PCDH9: variants seen among roughly 807,000 people sequenced by gnomAD.
PCDH9 encodes the protein protocadherin-9.
PCDH9 carries 24 observed loss-of-function variants against 70.6 expected under a neutral mutation model. The ratio of observed to expected loss-of-function variants is 0.34; its 90% CI spans 0.25 to 0.48. The LOEUF (loss-of-function observed/expected upper bound fraction) is 0.48. Among genes scored for constraint, PCDH9 ranks in the 20% least tolerant of loss-of-function variants. PCDH9 has a pLI of 0.99. For synonymous variants in PCDH9, 562 were observed against 558.5 expected (o/e 1.01, Z -0.09); for missense variants, 1,281 against 1,503.6 (o/e 0.85, Z 2.45).
At chr13:66,568,526 A>AG (rs61302524) in intron 4 of PCDH9, among the ~76,000 whole-genome samples, 2 of 150,156 alleles carry the variant, frequency 1.3e-5, no homozygotes, top group South Asian at 2.1e-4. Flanking sequence ...AAAAAAAAAA[A>AG]GAAAGAAAGA....
chr13:66,359,473 T>A lies in PCDH9; in HGVS notation c.3341-54445A>T, dbSNP rs79458041. On this transcript the variant is annotated intron_variant, in intron 4 of 4. Transcript: ENST00000377865. ...ACTCATAATAGTGGAAAGTATAGCATAAAGGGGAAAAAAATTCAGAATGTT... is the reference window on the plus strand; with the variant it reads ...ACTCATAATAGTGGAAAGTATAGCAAAAAGGGGAAAAAAATTCAGAATGTT... Among the ~76,000 whole-genome samples, 35 of 151,872 alleles carry A rather than the reference T, an allele frequency of 2.3e-4. No homozygotes were observed. The East Asian group carries it at 4.8e-3, about 21-fold the overall frequency.
chr13:66,806,655 A>T (rs2080415094), intron 3 of PCDH9, among the ~76,000 whole-genome samples: 1 of 152,150 alleles, frequency 6.6e-6, no homozygotes. Context: ...TGCTGTGTAC[A>T]AATTCTTGCT....
At chr13:66,506,659 T>G (rs1378400137) in intron 4 of PCDH9, among the ~76,000 whole-genome samples, 1 of 152,212 alleles carries the variant, frequency 6.6e-6, no homozygotes, top group African/African-American at 2.4e-5. Context: ...TTTTCAATCC[T>G]GATTATGGCA....
chr13:66,752,248 T>C (rs1566170519), intron 3 of PCDH9, among the ~76,000 whole-genome samples: 1 of 152,248 alleles, frequency 6.6e-6, no homozygotes, highest in African/African-American at 2.4e-5. Context: ...GTATATGTCA[T>C]GTCTTCAAAT....
rs916569389 is a variant in PCDH9 at position 67,070,905 on chromosome 13, A to T, written c.3036+154500T>A. On this transcript the variant is annotated intron_variant, in intron 2 of 4. Coordinates refer to ENST00000377865, the MANE Select transcript of PCDH9 (RefSeq NM_203487.3). Reference sequence around the variant, plus strand: ...GCCCCACCTTCTAGAATTCTAACTCAGTAAGTCTGGAGCAGTTGTCTGTAT... The same window carrying T: ...GCCCCACCTTCTAGAATTCTAACTCTGTAAGTCTGGAGCAGTTGTCTGTAT... Among the ~76,000 whole-genome samples the T allele has an allele frequency of 2.6e-5, 4 of 152,170 alleles. No individual in the cohort carries two copies. In the South Asian group the frequency reaches 8.3e-4, roughly 31 times the overall value.
Position 66,558,578 on chromosome 13 carries a change from AT to A in PCDH9, c.3340+72631del, listed in dbSNP as rs1323172342. 2.6e-5 allele frequency among the ~76,000 whole-genome samples: 4 copies of A among 151,964 alleles called. No individual in the cohort carries two copies. In the East Asian group the frequency reaches 7.8e-4, roughly 29 times the overall value. ...CCAAAACACTCTGGCACAGACAGAAATTTTTTTAAAAAACCTTTCCTTCCTC... is the reference window on the plus strand; with the variant it reads ...CCAAAACACTCTGGCACAGACAGAAATTTTTTAAAAAACCTTTCCTTCCTC... On this transcript the variant is annotated intron_variant, in intron 4 of 4. Transcript: ENST00000377865.
intron 2 of PCDH9, among the ~76,000 whole-genome samples, chr13:66,935,016 G>C (rs1314871098): frequency 6.6e-6 from 1 of 151,706 alleles, no homozygotes; most frequent in Non-Finnish European, 1.5e-5. Flanking sequence ...CACCGCGCCC[G>C]GCCGTGTTTG....
At chr13:66,333,459 T>C (rs1216413860) in intron 4 of PCDH9, among the ~76,000 whole-genome samples, 1 of 152,192 alleles carries the variant, frequency 6.6e-6, no homozygotes, top group Non-Finnish European at 1.5e-5. Flanking sequence ...ACATGCTTTC[T>C]TCTCTGTCTT....
At chr13:66,660,146 C>G (rs2077989204) in intron 3 of PCDH9, among the ~76,000 whole-genome samples, 1 of 152,150 alleles carries the variant, frequency 6.6e-6, no homozygotes, top group African/African-American at 2.4e-5. Flanking sequence ...GGAAGACGAA[C>G]AGTGGAGGAA....
chr13:66,979,085 T>C (rs2083684284), intron 2 of PCDH9, among the ~76,000 whole-genome samples: 1 of 152,114 alleles, frequency 6.6e-6, no homozygotes, highest in South Asian at 2.1e-4. Context: ...TGACGTTTTG[T>C]TTTGTTTCGA....
intron 4 of PCDH9, among the ~76,000 whole-genome samples, chr13:66,626,123 A>C (rs1422174587): frequency 6.6e-6 from 1 of 152,128 alleles, no homozygotes; most frequent in Non-Finnish European, 1.5e-5. Flanking sequence ...TTGAGGAAAA[A>C]AATATCAAGA....
intron 4 of PCDH9, among the ~76,000 whole-genome samples, chr13:66,369,652 AG>A (rs35058418): frequency 3.9e-5 from 6 of 152,142 alleles, no homozygotes; most frequent in Non-Finnish European, 7.4e-5. Context: ...CAAAGAATAG[AG>A]GGAGATTCTT....
chr13:66,479,527 C>T (rs1466291722), intron 4 of PCDH9, among the ~76,000 whole-genome samples: 1 of 152,176 alleles, frequency 6.6e-6, no homozygotes, highest in East Asian at 1.9e-4. Flanking sequence ...GGTCAAAATA[C>T]TGAGAGGTGA....
At chr13:66,915,741 A>G (rs183132335) in intron 2 of PCDH9, among the ~76,000 whole-genome samples, 1 of 151,820 alleles carries the variant, frequency 6.6e-6, no homozygotes, top group Non-Finnish European at 1.5e-5. Flanking sequence ...TTGGAGACTC[A>G]ACATGAAAAG....
At chr13:66,439,367 T>A (rs182310877) in intron 4 of PCDH9, among the ~76,000 whole-genome samples, 1 of 152,238 alleles carries the variant, frequency 6.6e-6, no homozygotes, top group East Asian at 1.9e-4. Context: ...ATAAAGTACA[T>A]CCTGAAGATT....
At chr13:66,833,104 A>G (rs566044715) in intron 3 of PCDH9, among the ~76,000 whole-genome samples, 1 of 152,256 alleles carries the variant, frequency 6.6e-6, no homozygotes, top group Admixed American at 6.5e-5. Flanking sequence ...GTAGCCAACA[A>G]GTATTTACCC....
intron 3 of PCDH9, among the ~76,000 whole-genome samples, chr13:66,687,986 A>G (rs1201688023): frequency 6.6e-6 from 1 of 151,958 alleles, no homozygotes; most frequent in Non-Finnish European, 1.5e-5. Flanking sequence ...AACTTTCCCT[A>G]TGCTTTCCTT....
chr13:67,100,588 C>T (rs1030881746), intron 2 of PCDH9, among the ~76,000 whole-genome samples: 2 of 152,130 alleles, frequency 1.3e-5, no homozygotes, highest in Non-Finnish European at 2.9e-5. Flanking sequence ...GAAATAAGCA[C>T]AAAAAAGTAA....
intron 3 of PCDH9, among the ~76,000 whole-genome samples, chr13:66,771,529 A>G (rs2079806723): frequency 6.6e-6 from 1 of 152,202 alleles, no homozygotes. Context: ...TACAATCATG[A>G]TAAGTGCTAG....
Sources: allele counts gnomAD v4.1 joint callset (sites outside exome capture counted in the v4.1 genomes callset), GRCh38; gene constraint gnomAD v4.1.1; transcripts MANE v1.5; gene names NCBI Gene and HGNC (gene_info 2026-07-23, HGNC 2026-07-21).